Variants in SLC41A2 observed in about 807,000 individuals in gnomAD.
SLC41A2 encodes the protein SLC41A1-like 1.
Under a neutral mutation model 58.3 loss-of-function variants are expected in SLC41A2, and 32 were observed. The observed-to-expected ratio is 0.55, with a 90% CI of 0.41 to 0.74. SLC41A2 has a LOEUF of 0.74. SLC41A2 is among the 30% of genes least tolerant of loss of function. The pLI is 0.00. For synonymous variants in SLC41A2, 190 were observed against 235.0 expected (o/e 0.81, Z 1.75); for missense variants, 514 against 680.6 (o/e 0.76, Z 2.72).
chr12:104,846,810 T>C (rs576568584), intron 8 of SLC41A2, among the ~76,000 whole-genome samples: 3 of 152,258 alleles, frequency 2.0e-5, no homozygotes, highest in Non-Finnish European at 4.4e-5. Flanking sequence ...AGGGTAATGA[T>C]AATAACCATA....
chr12:104,921,566 A>C (rs2046597418), intron 2 of SLC41A2, among the ~76,000 whole-genome samples: 2 of 152,004 alleles, frequency 1.3e-5, no homozygotes, highest in Non-Finnish European at 2.9e-5. Context: ...GACAAACAAA[A>C]GCTGGGAGAA....
intron 3 of SLC41A2, among the ~76,000 whole-genome samples, chr12:104,895,994 G>C (rs931366601): frequency 6.6e-6 from 1 of 152,126 alleles, no homozygotes; most frequent in African/African-American, 2.4e-5. Context: ...AATTCAAAAA[G>C]TGTATTTCCA....
chr12:104,835,065 ATGT>A (rs1171194809), intron 10 of SLC41A2, among the ~76,000 whole-genome samples: 1 of 152,184 alleles, frequency 6.6e-6, no homozygotes, highest in African/African-American at 2.4e-5. Flanking sequence ...GATGATGATG[ATGT>A]TGATATTAAA....
At chr12:104,880,035 T>C (rs1014150281) in intron 6 of SLC41A2, among the ~76,000 whole-genome samples, 4 of 152,092 alleles carry the variant, frequency 2.6e-5, no homozygotes, top group South Asian at 2.1e-4. Context: ...TTTGAAGCAA[T>C]TGAGATTGAT....
Position 104,804,910 on chromosome 12 carries a change from A to AACTT in SLC41A2, c.*238_*241dup, listed in dbSNP as rs1592899408. On this transcript the variant is annotated 3_prime_UTR_variant, in exon 11 of 11. Coordinates refer to ENST00000258538, the MANE Select transcript of SLC41A2 (RefSeq NM_001352171.3). ...CTTTCCTAATTAATTTCAGAGCTGG[A>AACTT]ACTTATATCTATGTCTATGTCAAAT... The AACTT allele has an allele frequency of 1.7e-5, 5 of 294,148 alleles. No individual in the cohort carries two copies. In the East Asian group the frequency reaches 1.8e-4, roughly 11 times the overall value. 18.2% of individuals were successfully genotyped at this position (294,148 alleles called of 1,614,324 possible).
intron 1 of SLC41A2, among the ~76,000 whole-genome samples, chr12:104,957,842 G>A (rs990352490): frequency 6.6e-6 from 1 of 152,142 alleles, no homozygotes; most frequent in Non-Finnish European, 1.5e-5. Flanking sequence ...TGTCCGCGGT[G>A]GCCGCGGAAC....
chr12:104,854,147 A>G (rs1036931711), intron 8 of SLC41A2, among the ~76,000 whole-genome samples: 2 of 151,878 alleles, frequency 1.3e-5, no homozygotes, highest in African/African-American at 4.8e-5. Flanking sequence ...CCATTTACAC[A>G]TACAGCACAT....
chr12:104,932,855 T>TATTTGTATAGG (rs1269580524), intron 1 of SLC41A2, among the ~76,000 whole-genome samples: 1 of 152,000 alleles, frequency 6.6e-6, no homozygotes, highest in Admixed American at 6.6e-5. Flanking sequence ...ACTGGATCCC[T>TATTTGTATAGG]ATCTCTCACC....
Position 104,889,081 on chromosome 12 carries a change from G to A in SLC41A2, c.832C>T (p.Leu278=), listed in dbSNP as rs2044812593. The change falls in exon 5 of 11, where the codon CTG becomes TTG. Residue 278 remains leucine (L), a synonymous_variant. Transcript: ENST00000258538. The stretch of plus-strand genomic sequence containing the variant: ...GCAGTTGCCACACTGCTAGAGCACA[G>A]AAGTATGGAATGATCAAGGTAATAT... The part of the protein sequence containing the change: ...GKYYLDHSIL[L]CSSSVATAFI... 6.2e-7 allele frequency: 1 copy of A among 1,609,550 alleles called. No homozygotes were observed. The highest frequency in any genetic ancestry group is 8.5e-7 in the Non-Finnish European group (1 of 1,178,992).
At chr12:104,810,200 A>T (rs1283249836) in intron 10 of SLC41A2, among the ~76,000 whole-genome samples, 1 of 152,154 alleles carries the variant, frequency 6.6e-6, no homozygotes, top group Non-Finnish European at 1.5e-5. Flanking sequence ...ACTTAAAAAA[A>T]ATTTGGCTAT....
intron 6 of SLC41A2, among the ~76,000 whole-genome samples, chr12:104,873,152 T>C (rs76553957): frequency 6.6e-6 from 1 of 152,210 alleles, no homozygotes; most frequent in Non-Finnish European, 1.5e-5. Flanking sequence ...TAGTCTTTGA[T>C]CTACATCTCC....
At chr12:104,948,042 G>A (rs1207881138) in intron 1 of SLC41A2, among the ~76,000 whole-genome samples, 2 of 152,074 alleles carry the variant, frequency 1.3e-5, no homozygotes, top group Middle Eastern at 3.4e-3. Flanking sequence ...GACTTTTCTC[G>A]GAAATAATTA....
chr12:104,860,392 A>G (rs1708573536), intron 8 of SLC41A2, among the ~76,000 whole-genome samples: 1 of 151,298 alleles, frequency 6.6e-6, no homozygotes, highest in South Asian at 2.1e-4. Flanking sequence ...CAGAACTTAA[A>G]CTAAAAAAAA....
At chr12:104,809,421 A>G (rs1456169079) in intron 10 of SLC41A2, among the ~76,000 whole-genome samples, 3 of 152,220 alleles carry the variant, frequency 2.0e-5, no homozygotes, top group African/African-American at 7.2e-5. Flanking sequence ...GTAGGAAGAC[A>G]TGTACCTATT....
chr12:104,903,440 A>G (rs1297421462), intron 3 of SLC41A2, among the ~76,000 whole-genome samples: 1 of 152,068 alleles, frequency 6.6e-6, no homozygotes, highest in Non-Finnish European at 1.5e-5. Flanking sequence ...TTTATCTAAC[A>G]CAGTGGTTTT....
intron 1 of SLC41A2, among the ~76,000 whole-genome samples, chr12:104,955,559 T>A (rs759969099): frequency 6.6e-6 from 1 of 152,242 alleles, no homozygotes; most frequent in Non-Finnish European, 1.5e-5. Flanking sequence ...GTATTCAGAA[T>A]TGAGCCTAGT....
chr12:104,811,326 T>C (rs895918530), intron 10 of SLC41A2, among the ~76,000 whole-genome samples: 3 of 152,150 alleles, frequency 2.0e-5, no homozygotes, highest in Admixed American at 6.5e-5. Flanking sequence ...TTGAACACTA[T>C]ATAGAAGCAA....
intron 2 of SLC41A2, among the ~76,000 whole-genome samples, chr12:104,921,532 A>G (rs2046596091): frequency 6.6e-6 from 1 of 151,960 alleles, no homozygotes; most frequent in South Asian, 2.1e-4. Context: ...ATCCAAGAAT[A>G]CTATAACCAG....
At chr12:104,954,022 C>T (rs1218033445) in intron 1 of SLC41A2, among the ~76,000 whole-genome samples, 1 of 152,132 alleles carries the variant, frequency 6.6e-6, no homozygotes, top group Non-Finnish European at 1.5e-5. Context: ...ATCCTACAAT[C>T]TTTCCTTCCA....
Sources: gnomAD v4.1 joint callset for allele counts (sites outside exome capture counted in the v4.1 genomes callset) on GRCh38, gnomAD v4.1.1 for gene constraint, MANE v1.5 for transcripts, NCBI Gene and HGNC (gene_info 2026-07-23, HGNC 2026-07-21) for gene names.